AMBRA1: variants seen among roughly 807,000 people sequenced by gnomAD.
The protein encoded by AMBRA1 is activating molecule in BECN1-regulated autophagy protein 1.
A neutral mutation model predicts 125.4 loss-of-function variants in AMBRA1; 47 were observed. The observed-to-expected ratio is 0.37, with a 90% confidence interval of 0.30 to 0.48. The LOEUF (loss-of-function observed/expected upper bound fraction) is 0.48. Among genes scored for constraint, AMBRA1 ranks in the 20% least tolerant of loss-of-function variants. AMBRA1 has a pLI of 0.99. For synonymous variants in AMBRA1, 626 were observed against 655.5 expected, an observed-to-expected ratio of 0.95 and a Z score of 0.69; for missense variants, 1,331 against 1,693.4, an observed-to-expected ratio of 0.79 and a Z score of 3.76.
At chr11:46,553,208 G>T (rs915535021) in intron 1 of AMBRA1, among the ~76,000 whole-genome samples, 3 of 152,000 alleles carry the variant, frequency 2.0e-5, no homozygotes, top group African/African-American at 7.2e-5. Flanking sequence ...CTCCCAAAGT[G>T]CTGGGATTAC....
intron 7 of AMBRA1, among the ~76,000 whole-genome samples, chr11:46,513,659 AT>A: frequency 6.6e-6 from 1 of 152,258 alleles, no homozygotes; most frequent in Middle Eastern, 3.4e-3. Flanking sequence ...TCAAATCTCT[AT>A]TTTGTACTGC....
intron 14 of AMBRA1, among the ~76,000 whole-genome samples, chr11:46,420,993 C>G (rs1250052912): frequency 6.6e-6 from 1 of 152,050 alleles, no homozygotes; most frequent in Non-Finnish European, 1.5e-5. Context: ...TGTTCCAGAC[C>G]AGAAAGTAAC....
At position 46,543,133 on chromosome 11, in the gene AMBRA1, C is replaced by G. The variant is rs1046154270; in HGVS notation, c.884G>C (p.Ser295Thr). 1.3e-6 allele frequency: 2 copies of G among 1,568,052 alleles called. No homozygotes were observed. Among genetic ancestry groups the G allele is most frequent in the Non-Finnish European group, 1.7e-6 (2 of 1,162,058 alleles). The change falls in exon 7 of 18, where the codon AGT (serine) becomes ACT (threonine). Residue 295 changes from serine to threonine, a missense_variant. Ser to Thr is a moderately conservative substitution (Grantham distance 58, BLOSUM62 1). This residue lies in a region of AMBRA1 where 689 missense variants were observed against 776.5 expected (regional missense o/e 0.89). Coordinates refer to ENST00000683756, the MANE Select transcript of AMBRA1 (RefSeq NM_001387011.1). Reference sequence around the variant, plus strand: ...CTGGCAGCACTCAGCTGTGGGGTAACTGACCCGCTGTCGGAGCCTGATGTA... The same window carrying G: ...CTGGCAGCACTCAGCTGTGGGGTAAGTGACCCGCTGTCGGAGCCTGATGTA... ...SAYIRLRQRVSYPTAECCQHL... is the reference protein window; with the variant it reads ...SAYIRLRQRVTYPTAECCQHL...
At chr11:46,480,211 T>A (rs566868838) in intron 11 of AMBRA1, among the ~76,000 whole-genome samples, 1 of 152,304 alleles carries the variant, frequency 6.6e-6, no homozygotes, top group Non-Finnish European at 1.5e-5. Context: ...TAATCATAAC[T>A]GCAAAGTCCT....
intron 11 of AMBRA1, among the ~76,000 whole-genome samples, chr11:46,482,549 T>C (rs1427385870): frequency 1.3e-5 from 2 of 152,246 alleles, no homozygotes; most frequent in Non-Finnish European, 2.9e-5. Flanking sequence ...ACATGTTTAC[T>C]GTGCACCCCA....
chr11:46,529,692 G>A (rs978230660), intron 7 of AMBRA1, among the ~76,000 whole-genome samples: 2 of 152,170 alleles, frequency 1.3e-5, no homozygotes, highest in African/African-American at 4.8e-5. Flanking sequence ...TGACTGTTAG[G>A]TGGGAATGTG....
chr11:46,504,807 A>G (rs1263085127), intron 9 of AMBRA1: 1 of 152,248 alleles, frequency 6.6e-6, no homozygotes, highest in East Asian at 1.9e-4. Flanking sequence ...ATCATTTTCA[A>G]AGGTTTTTAA....
intron 7 of AMBRA1, among the ~76,000 whole-genome samples, chr11:46,533,580 C>T (rs1400020068): frequency 6.6e-6 from 1 of 152,098 alleles, no homozygotes; most frequent in Admixed American, 6.5e-5. Context: ...CATTTAAGGC[C>T]TCTCTTATCT....
At chr11:46,535,718 T>C (rs1591056091) in intron 7 of AMBRA1, among the ~76,000 whole-genome samples, 1 of 152,156 alleles carries the variant, frequency 6.6e-6, no homozygotes, top group African/African-American at 2.4e-5. Flanking sequence ...ATTACTGAGA[T>C]GCCAAGCCAA....
intron 11 of AMBRA1, among the ~76,000 whole-genome samples, chr11:46,473,840 C>T (rs927727300): frequency 8.5e-5 from 13 of 152,256 alleles, no homozygotes; most frequent in Middle Eastern, 3.4e-3. Context: ...TTAGTGGAGA[C>T]GGTGTTTCAC....
At chr11:46,500,205 C>A (rs1043911659) in intron 9 of AMBRA1, among the ~76,000 whole-genome samples, 1 of 152,178 alleles carries the variant, frequency 6.6e-6, no homozygotes, top group Non-Finnish European at 1.5e-5. Flanking sequence ...CCAGTCACTG[C>A]TGTTCTAAGA....
intron 1 of AMBRA1, among the ~76,000 whole-genome samples, chr11:46,570,989 C>T (rs542397459): frequency 5.3e-5 from 8 of 152,178 alleles, no homozygotes; most frequent in Non-Finnish European, 8.8e-5. Context: ...TATACTGTAA[C>T]CATAACCACT....
At chr11:46,523,169 G>A (rs2135100753) in intron 7 of AMBRA1, among the ~76,000 whole-genome samples, 1 of 152,294 alleles carries the variant, frequency 6.6e-6, no homozygotes, top group South Asian at 2.1e-4. Flanking sequence ...AAAGCTCAGA[G>A]TACAATCACT....
chr11:46,441,489 T>C (rs1240394206), intron 12 of AMBRA1, among the ~76,000 whole-genome samples: 1 of 151,380 alleles, frequency 6.6e-6, no homozygotes, highest in East Asian at 1.9e-4. Flanking sequence ...CACCCCAGCC[T>C]GGTGACAGAG....
intron 7 of AMBRA1, among the ~76,000 whole-genome samples, chr11:46,535,551 A>G (rs1183375530): frequency 6.6e-6 from 1 of 152,236 alleles, no homozygotes; most frequent in Non-Finnish European, 1.5e-5. Context: ...CTTCGCATTT[A>G]AATTGGATTA....
At chr11:46,428,800 G>C (rs3210531) in intron 14 of AMBRA1, 2 of 1,611,286 alleles carry the variant, frequency 1.2e-6, no homozygotes, top group South Asian at 1.1e-5. Context: ...CCCCTCTTGT[G>C]AGTCTCGCAG....
At chr11:46,431,336 C>T (rs1448189335) in intron 14 of AMBRA1, among the ~76,000 whole-genome samples, 1 of 152,224 alleles carries the variant, frequency 6.6e-6, no homozygotes, top group Non-Finnish European at 1.5e-5. Context: ...ACCAAGCATG[C>T]AGCTGCTGGC....
At chr11:46,437,369 C>T (rs1055320770) in intron 12 of AMBRA1, among the ~76,000 whole-genome samples, 2 of 152,212 alleles carry the variant, frequency 1.3e-5, no homozygotes, top group African/African-American at 4.8e-5. Context: ...TTCCTGGCTA[C>T]TGCAATGAGC....
At chr11:46,437,982 G>A (rs1446275454) in intron 12 of AMBRA1, among the ~76,000 whole-genome samples, 1 of 152,080 alleles carries the variant, frequency 6.6e-6, no homozygotes, top group Non-Finnish European at 1.5e-5. Flanking sequence ...ATGCTGGGAC[G>A]GGGCCTGAGA....
Sources: gnomAD v4.1 joint callset for allele counts (sites outside exome capture counted in the v4.1 genomes callset) on GRCh38, gnomAD v4.1.1 for gene constraint, gnomAD v4.1.1 regional missense constraint, MANE v1.5 for transcripts, NCBI Gene and HGNC (gene_info 2026-07-23, HGNC 2026-07-21) for gene names.